The following LPP variants were observed in gnomAD, a reference collection of about 807,000 sequenced individuals.
LPP encodes LIM domain containing preferred translocation partner in lipoma.
LPP carries 38 observed loss-of-function variants against 60.4 expected under a neutral mutation model. The ratio of observed to expected loss-of-function variants is 0.63; its 90% CI spans 0.49 to 0.83. The LOEUF (loss-of-function observed/expected upper bound fraction) is 0.83. LPP is among the 40% of genes least tolerant of loss of function. LPP has a pLI of 0.00. For synonymous variants in LPP, 328 were observed against 290.8 expected (o/e 1.13, Z -1.30); for missense variants, 902 against 783.6 (o/e 1.15, Z -1.80).
chr3:188,741,956 T>C (rs1265676750), intron 8 of LPP, among the ~76,000 whole-genome samples: 1 of 151,936 alleles, frequency 6.6e-6, no homozygotes, highest in Admixed American at 6.6e-5. Flanking sequence ...AGACAAAGAA[T>C]GCAATTTAAA....
chr3:188,495,084 T>TATATATATATATATATATATATA (rs61034825), intron 5 of LPP, among the ~76,000 whole-genome samples: 3 of 15,488 alleles, frequency 1.9e-4, no homozygotes, highest in Non-Finnish European at 6.5e-4. Flanking sequence ...ATATATATAT[T>TATATATATATATATATATATATA]TTATTTATAT....
At chr3:188,448,371 A>AATATCTATCTAAATAGAAATTATTTAG (rs140471443) in intron 4 of LPP, among the ~76,000 whole-genome samples, 6 of 150,358 alleles carry the variant, frequency 4.0e-5, no homozygotes, top group Non-Finnish European at 8.9e-5. Context: ...AATAGATAAT[A>AATATCTATCTAAATAGAAATTATTTAG]ATATCTATCT....
At chr3:188,734,897 T>C (rs1721955286) in intron 8 of LPP, among the ~76,000 whole-genome samples, 2 of 152,194 alleles carry the variant, frequency 1.3e-5, no homozygotes, top group African/African-American at 4.8e-5. Flanking sequence ...CTTCTTGAAA[T>C]TGGAGACACT....
chr3:188,412,091 T>C (rs1785045875), intron 4 of LPP, among the ~76,000 whole-genome samples: 1 of 152,180 alleles, frequency 6.6e-6, no homozygotes, highest in Admixed American at 6.5e-5. Flanking sequence ...TTTGTGAAGC[T>C]GGAGTTGTCT....
At chr3:188,542,002 A>G (rs1825319908) in intron 6 of LPP, among the ~76,000 whole-genome samples, 2 of 152,232 alleles carry the variant, frequency 1.3e-5, no homozygotes, top group African/African-American at 4.8e-5. Flanking sequence ...AAATCAAACT[A>G]ATAAAAATTT....
chr3:188,873,673 G>A (rs772566964), intron 11 of LPP, among the ~76,000 whole-genome samples: 4 of 151,914 alleles, frequency 2.6e-5, no homozygotes, highest in Non-Finnish European at 5.9e-5. Context: ...AGTGGCAGTC[G>A]GCCTGTGTGC....
At chr3:188,766,971 T>C (rs1734353486) in intron 9 of LPP, among the ~76,000 whole-genome samples, 1 of 152,186 alleles carries the variant, frequency 6.6e-6, no homozygotes, top group Non-Finnish European at 1.5e-5. Context: ...TTTTGTTACA[T>C]AACAGTATAT....
chr3:188,485,074 T>C (rs1418418072), intron 5 of LPP, among the ~76,000 whole-genome samples: 1 of 152,208 alleles, frequency 6.6e-6, no homozygotes, highest in Non-Finnish European at 1.5e-5. Context: ...CTTCAAACAT[T>C]GCATTCAAGT....
chr3:188,543,443 C>T (rs1355910897), intron 6 of LPP, among the ~76,000 whole-genome samples: 3 of 152,168 alleles, frequency 2.0e-5, no homozygotes, highest in Non-Finnish European at 4.4e-5. Flanking sequence ...CACAAGGCTG[C>T]AATCAAGGTT....
At chr3:188,218,043 G>A (rs1714328892) in intron 1 of LPP, among the ~76,000 whole-genome samples, 1 of 152,122 alleles carries the variant, frequency 6.6e-6, no homozygotes, top group South Asian at 2.1e-4. Context: ...GGTGTTGTCT[G>A]TTCATGCAGA....
chr3:188,207,114 C>T (rs7645376), intron 1 of LPP, among the ~76,000 whole-genome samples: 9,418 of 151,878 alleles, frequency 0.062, 337 homozygotes, highest in South Asian at 0.13. Flanking sequence ...TCAATTGCCT[C>T]AGGCTACAAC....
chr3:188,545,534 G>A (rs895170740), intron 6 of LPP, among the ~76,000 whole-genome samples: 1 of 151,980 alleles, frequency 6.6e-6, no homozygotes, highest in Non-Finnish European at 1.5e-5. Flanking sequence ...CATGAAAATA[G>A]CTTAACTCTG....
rs1010975530 is a variant in LPP at position 188,610,321 on chromosome 3, G to C, written c.1113+477G>C. The stretch of plus-strand genomic sequence containing the variant: ...GGCAAAACTGAGTGAACTGCTGTCA[G>C]GCTGTGGCCCTGTGAAGGCGATTAT... On this transcript the variant is annotated intron_variant, in intron 7 of 11. Coordinates refer to ENST00000617246, the MANE Select transcript of LPP (RefSeq NM_001375462.1). This position sits in a 1 kb window ranked among gnomAD's most constrained non-coding sequence, Gnocchi z 4.4. Among the ~76,000 whole-genome samples the C allele has an allele frequency of 6.6e-6, 1 of 152,174 alleles. No individual in the cohort carries two copies. The highest frequency in any genetic ancestry group is 2.4e-5 in the African/African-American group (1 of 41,434).
intron 3 of LPP, among the ~76,000 whole-genome samples, chr3:188,357,629 C>T (rs1300856092): frequency 1.3e-5 from 2 of 152,088 alleles, no homozygotes; most frequent in African/African-American, 2.4e-5. Flanking sequence ...TGGAGTGGTT[C>T]CTTGTTCATT....
At position 188,875,676 on chromosome 3, in the gene LPP, C is replaced by T; in HGVS notation, c.*1197C>T. The T allele has an allele frequency of 4.9e-6, 1 of 203,168 alleles. No individual in the cohort carries two copies. Among genetic ancestry groups the T allele is most frequent in the Non-Finnish European group, 1.0e-5 (1 of 98,862 alleles). 12.6% of individuals were successfully genotyped at this position (203,168 alleles called of 1,614,324 possible). A position where few individuals can be genotyped will look rare whatever the true frequency, so the allele number is the denominator to read the frequency against. Reference sequence around the variant, plus strand: ...AGACATTTTCATATCATCAATGTGACATTTACACCACACTTTCAAAGACAA... The same window carrying T: ...AGACATTTTCATATCATCAATGTGATATTTACACCACACTTTCAAAGACAA... On this transcript the variant is annotated 3_prime_UTR_variant, in exon 12 of 12. Coordinates refer to ENST00000617246, the MANE Select transcript of LPP (RefSeq NM_001375462.1).
intron 8 of LPP, chr3:188,743,868 G>A (rs140633415): frequency 6.6e-6 from 1 of 152,124 alleles, no homozygotes; most frequent in South Asian, 2.1e-4. Context: ...TTGATTCATA[G>A]ATTATTGAGC....
chr3:188,871,098 A>C (rs1386485592), intron 10 of LPP, among the ~76,000 whole-genome samples: 1 of 152,186 alleles, frequency 6.6e-6, no homozygotes, highest in Non-Finnish European at 1.5e-5. Flanking sequence ...TACTACCAAA[A>C]TGGATAAATT....
chr3:188,215,292 C>T (rs1347193713), intron 1 of LPP, among the ~76,000 whole-genome samples: 3 of 150,988 alleles, frequency 2.0e-5, no homozygotes, highest in Admixed American at 1.3e-4. Flanking sequence ...GATGACAGAT[C>T]GAGACCCTGT....
chr3:188,710,152 A>G (rs988062010), intron 8 of LPP: 2 of 152,148 alleles, frequency 1.3e-5, no homozygotes, highest in Admixed American at 6.5e-5. Flanking sequence ...TTGCTCCTAT[A>G]TGGGAATATG....
Sources: allele counts gnomAD v4.1 joint callset (sites outside exome capture counted in the v4.1 genomes callset), GRCh38; gene constraint gnomAD v4.1.1; non-coding constraint Gnocchi (gnomAD v3.1); transcripts MANE v1.5; gene names NCBI Gene and HGNC (gene_info 2026-07-23, HGNC 2026-07-21).